The following MYBPC2 variants were observed in gnomAD, a reference collection of about 807,000 sequenced individuals.
MYBPC2 encodes myosin-binding protein C, fast-type.
Under a neutral mutation model 137.0 loss-of-function variants are expected in MYBPC2, and 122 were observed. The observed-to-expected ratio is 0.89, with a 90% confidence interval of 0.77 to 1.03. MYBPC2 has a LOEUF of 1.03. MYBPC2 is among the 50% of genes least tolerant of loss of function. MYBPC2 has a pLI of 0.00. For missense variants in MYBPC2, 1,500 were observed against 1,534.4 expected, an observed-to-expected ratio of 0.98 and a Z score of 0.37; for synonymous variants, 626 against 612.3, an observed-to-expected ratio of 1.02 and a Z score of -0.33.
intron 23 of MYBPC2, 85 bp downstream of exon 23, chr19:50,459,391 G>C: frequency 5.8e-6 from 8 of 1,386,770 alleles, no homozygotes; most frequent in Non-Finnish European, 7.7e-6. Flanking sequence ...TGAGGGGTGG[G>C]GAAGGAGGTG....
rs1018273866 is a variant in MYBPC2, at chr19:50,464,609, G to C, written c.3415+77G>C. ...CCAGCCTGGCCGGTGGCCCCGGGCT[G>C]AGCACCGCTGAGATCTGGAGACGAG... On this transcript the variant is annotated intron_variant, in intron 27 of 27. Coordinates refer to ENST00000357701, the MANE Select transcript of MYBPC2 (RefSeq NM_004533.4). The C allele has an allele frequency of 3.5e-6, 5 of 1,437,866 alleles. No homozygotes were observed. The African/African-American group carries it at 7.1e-5, about 20-fold the overall frequency. 89.1% of individuals were successfully genotyped at this position (1,437,866 alleles called of 1,614,324 possible). A position where few individuals can be genotyped will look rare whatever the true frequency, so the allele number is the denominator to read the frequency against.
chr19:50,454,253 T>A lies in MYBPC2; in HGVS notation c.1910-12T>A. On this transcript the variant is annotated splice_polypyrimidine_tract_variant and intron_variant, in intron 17 of 27. Transcript: ENST00000357701. Reference sequence around the variant, plus strand: ...GCCTCGAGGGGCCACCTGACTCTCCTGCCCCCTGCAGATGTCCCAGACCCC... The same window carrying A: ...GCCTCGAGGGGCCACCTGACTCTCCAGCCCCCTGCAGATGTCCCAGACCCC... The A allele has an allele frequency of 1.2e-6, 2 of 1,613,852 alleles. No homozygotes were observed. The highest frequency in any genetic ancestry group is 1.7e-6 in the Non-Finnish European group (2 of 1,179,836).
At chr19:50,449,928 G>A (rs942353339) in intron 13 of MYBPC2, among the ~76,000 whole-genome samples, 3 of 152,110 alleles carry the variant, frequency 2.0e-5, no homozygotes, top group South Asian at 4.2e-4. Context: ...GGCTGAGGTG[G>A]GTGGATCACT....
chr19:50,452,466 GTGTATGTATGTATGTATGTATGTA>G (rs746899570), intron 16 of MYBPC2, among the ~76,000 whole-genome samples: 2 of 147,102 alleles, frequency 1.4e-5, no homozygotes, highest in Admixed American at 6.8e-5. Flanking sequence ...CTATGTATCT[GTGTATGTATGTATGTATGTATGTA>G]TGTATGTATG....
chr19:50,444,834 C>T (rs903248806), intron 11 of MYBPC2, among the ~76,000 whole-genome samples: 15 of 139,236 alleles, frequency 1.1e-4, no homozygotes, highest in African/African-American at 3.8e-4. Context: ...GAGCCGAGAT[C>T]GCGCCACTGC....
At position 50,455,582 on chromosome 19, in the gene MYBPC2, C is replaced by A. The variant is rs777821573; in HGVS notation, c.2276C>A (p.Pro759His). 90 of 1,613,894 alleles carry A rather than the reference C, an allele frequency of 5.6e-5. No homozygotes were observed. Among genetic ancestry groups the A allele is most frequent in the Non-Finnish European group, 6.9e-5 (82 of 1,179,904 alleles). ...ACCACCACCACACTCAAGTGGAGGC[C>A]TCCGAACAGGATCGGGGCAGGTGGC... Reference protein sequence around the residue: ...TDTTTTLKWRPPNRIGAGGID... With the variant: ...TDTTTTLKWRHPNRIGAGGID... The change falls in exon 20 of 28, where the codon CCT (proline) becomes CAT (histidine). Residue 759 changes from proline to histidine, a missense_variant. Coordinates refer to ENST00000357701, the MANE Select transcript of MYBPC2 (RefSeq NM_004533.4).
chr19:50,435,719 C>A lies in MYBPC2; in HGVS notation c.110-57C>A. On this transcript the variant is annotated intron_variant, in intron 2 of 27. Transcript: ENST00000357701. The surrounding 1 kb of genome is among the most constrained non-coding windows in gnomAD (Gnocchi z 4.8). ...TAAGTCCTTTCCCCAAAGCGGCCCA[C>A]TGTCCCCTCCCCAGCCTATCTCAGA... 6.9e-7 allele frequency: 1 copy of A among 1,455,658 alleles called. No individual in the cohort carries two copies. Among genetic ancestry groups the A allele is most frequent in the Non-Finnish European group, 9.3e-7 (1 of 1,070,398 alleles). The allele number at this position is 1,455,658 out of a possible 1,614,324, so 90.2% of individuals were successfully genotyped here. A position where few individuals can be genotyped will look rare whatever the true frequency, so the allele number is the denominator to read the frequency against.
intron 20 of MYBPC2, among the ~76,000 whole-genome samples, chr19:50,455,860 G>C (rs1354488010): frequency 6.6e-6 from 1 of 152,154 alleles, no homozygotes; most frequent in Non-Finnish European, 1.5e-5. Context: ...CCATACAGCA[G>C]TGACTTTCTG....
chr19:50,455,147 G>A lies in MYBPC2; in HGVS notation c.2054G>A (p.Trp685Ter), dbSNP rs774570759. ...CGGAAGAAGAAGGGCTCTCAGCGCT[G>A]GATGAAGCTGAACTTTGAGGTCTTC... ...VERKKKGSQRWMKLNFEVFTE... is the reference protein window; with the variant it reads ...VERKKKGSQR The change falls in exon 19 of 28, where the codon TGG becomes TAG. Residue 685 changes from tryptophan to a stop codon, truncating the protein, a stop_gained. Coordinates refer to ENST00000357701, the MANE Select transcript of MYBPC2 (RefSeq NM_004533.4). LOFTEE classifies it high-confidence loss of function. The A allele has an allele frequency of 2.0e-5, 32 of 1,613,610 alleles. No individual in the cohort carries two copies. The highest frequency in any genetic ancestry group is 2.7e-5 in the Non-Finnish European group (32 of 1,179,860).
chr19:50,445,776 C>T, intron 11 of MYBPC2, 104 bp from the exon 12 acceptor site: 6 of 1,181,040 alleles, frequency 5.1e-6, no homozygotes, highest in Non-Finnish European at 7.1e-6. Flanking sequence ...CCTCCGGGGA[C>T]CTGCCTTCTG....
intron 16 of MYBPC2, among the ~76,000 whole-genome samples, chr19:50,452,528 C>CTATCTATCTATG (rs1434077512): frequency 6.6e-6 from 1 of 151,456 alleles, no homozygotes; most frequent in Non-Finnish European, 1.5e-5. Flanking sequence ...ATCTATCTAT[C>CTATCTATCTATG]TATCTATCTA....
intron 23 of MYBPC2, 22 bp downstream of exon 23, chr19:50,459,328 C>A: frequency 6.3e-7 from 1 of 1,577,888 alleles, no homozygotes. Flanking sequence ...GGGGAGGGCC[C>A]CTGGAGGCCG....
At chr19:50,459,878 G>A in intron 23 of MYBPC2, among the ~76,000 whole-genome samples, 162 bp from the exon 24 acceptor site, 1 of 150,172 alleles carries the variant, frequency 6.7e-6, no homozygotes, top group East Asian at 2.0e-4. Context: ...CCCAGGATAA[G>A]AGGAAGTGGA....
chr19:50,463,887 C>A (rs566815923), intron 26 of MYBPC2, among the ~76,000 whole-genome samples: 54 of 150,504 alleles, frequency 3.6e-4, no homozygotes, highest in Non-Finnish European at 7.5e-4. Flanking sequence ...TACAGTGAGC[C>A]AAGATCACGC....
At position 50,455,605 on chromosome 19, in the gene MYBPC2, G is replaced by A; in HGVS notation, c.2299G>A (p.Gly767Ser). Residue 767 changes from glycine (G) to serine (S), a missense_variant, in exon 20 of 28, where the codon GGC becomes AGC. Coordinates refer to ENST00000357701, the MANE Select transcript of MYBPC2 (RefSeq NM_004533.4). ...WRPPNRIGAG[G>S]IDGYLVEYCL... is the part of the protein sequence containing the mutation. ...GCCTCCGAACAGGATCGGGGCAGGT[G>A]GCATCGATGGGTACCTGGTGGAGTA... 1 of 1,614,012 alleles carries A rather than the reference G, an allele frequency of 6.2e-7. No individual in the cohort carries two copies. Among genetic ancestry groups the A allele is most frequent in the Non-Finnish European group, 8.5e-7 (1 of 1,179,902 alleles).
At position 50,436,020 on chromosome 19, in the gene MYBPC2, G is replaced by A. The variant is rs778840829; in HGVS notation, c.205G>A (p.Ala69Thr). 9 of 1,579,740 alleles carry A rather than the reference G, an allele frequency of 5.7e-6. No homozygotes were observed. The African/African-American group carries it at 6.7e-5, about 12-fold the overall frequency. The change falls in exon 4 of 28, where the codon GCA (alanine) becomes ACA (threonine). Residue 69 changes from alanine to threonine, a missense_variant. By Grantham distance (58) the Ala-to-Thr change is moderately conservative (BLOSUM62 0). Coordinates refer to ENST00000357701, the MANE Select transcript of MYBPC2 (RefSeq NM_004533.4). The part of the protein sequence containing the change: ...DSVSVETGKD[A>T]VVVAKVNGKE... ...TCACTCACCCCATGTAGGGAAGGAC[G>A]CAGTGGTCGTGGCCAAGGTGAACGG... is the stretch of plus-strand genomic sequence containing the variant.
Position 50,465,898 on chromosome 19 carries a change from T to G in MYBPC2, c.3416-297T>G, listed in dbSNP as rs868182474. ...ACTGCCCTTCCAAGCCCACCCAATT[T>G]CTGATACTCTGCTGTCTCCCTGATT... On this transcript the variant is annotated intron_variant, in intron 27 of 27. Transcript: ENST00000357701. This position sits in a 1 kb window ranked among gnomAD's most constrained non-coding sequence, Gnocchi z 4.5. 1.1e-4 allele frequency among the ~76,000 whole-genome samples: 16 copies of G among 152,228 alleles called. No homozygotes were observed. Among genetic ancestry groups the G allele is most frequent in the Middle Eastern group, 3.4e-3 (1 of 294 alleles).
chr19:50,461,676 G>A lies in MYBPC2; in HGVS notation c.3066G>A (p.Lys1022=), dbSNP rs1171431881. ...CGLSDSPGVS[K]NTARILKTGI... Reference sequence around the variant, plus strand: ...TCAGTGACTCACCTGGTGTCTCCAAGAACACGGCCCGCATCCTCAAGACAG... The same window carrying A: ...TCAGTGACTCACCTGGTGTCTCCAAAAACACGGCCCGCATCCTCAAGACAG... Residue 1022 remains lysine, a synonymous_variant, in exon 25 of 28, where the codon AAG becomes AAA. Transcript: ENST00000357701. 3 of 1,612,224 alleles carry A rather than the reference G, an allele frequency of 1.9e-6. No homozygotes were observed. The highest frequency in any genetic ancestry group is 1.7e-6 in the Non-Finnish European group (2 of 1,179,644).
At chr19:50,440,711 G>A (rs895115864) in intron 7 of MYBPC2, among the ~76,000 whole-genome samples, 169 bp from the exon 8 acceptor site, 3 of 151,774 alleles carry the variant, frequency 2.0e-5, no homozygotes, top group East Asian at 1.9e-4. Flanking sequence ...CTGGGAAGAG[G>A]TCAGAAGACC....
Sources: gnomAD v4.1 joint callset for allele counts (sites outside exome capture counted in the v4.1 genomes callset) on GRCh38, gnomAD v4.1.1 for gene constraint, Gnocchi (gnomAD v3.1) non-coding constraint, MANE v1.5 for transcripts, NCBI Gene and HGNC (gene_info 2026-07-23, HGNC 2026-07-21) for gene names.